The following CACNA2D1 variants were observed in gnomAD, a reference collection of about 807,000 sequenced individuals.
CACNA2D1 encodes voltage-dependent calcium channel subunit alpha-2/delta-1.
In CACNA2D1, 53 loss-of-function variants were observed where a neutral mutation model predicts 171.5. The ratio of observed to expected loss-of-function variants is 0.31; its 90% confidence interval spans 0.25 to 0.39. The LOEUF (loss-of-function observed/expected upper bound fraction) is 0.39, where lower values mean the gene tolerates loss of function less well. Among genes scored for constraint, CACNA2D1 ranks in the 10% least tolerant of loss-of-function variants. The pLI is 1.00. For synonymous variants in CACNA2D1, 442 were observed against 443.1 expected (o/e 1.00, Z 0.03); for missense variants, 903 against 1,299.8 (o/e 0.69, Z 4.69).
intron 19 of CACNA2D1, 93 bp downstream of exon 19, chr7:81,997,086 T>C (rs976668836): frequency 3.8e-6 from 3 of 799,830 alleles, no homozygotes; most frequent in Non-Finnish European, 6.8e-6. Context: ...ACAGACAAGC[T>C]AACACATTGT....
At chr7:82,024,337 G>A (rs556089897) in intron 12 of CACNA2D1, among the ~76,000 whole-genome samples, 91 of 151,738 alleles carry the variant, frequency 6.0e-4, no homozygotes, top group African/African-American at 2.1e-3. Flanking sequence ...TTTGATGACA[G>A]CAATCCTGAC....
At chr7:82,068,217 C>T (rs1807893413) in intron 7 of CACNA2D1, among the ~76,000 whole-genome samples, 1 of 152,108 alleles carries the variant, frequency 6.6e-6, no homozygotes, top group Non-Finnish European at 1.5e-5. Context: ...TCACCAGGCT[C>T]AGGCTCTAAT....
At position 82,066,396 on chromosome 7, in the gene CACNA2D1, T is replaced by C. The variant is rs138927518; in HGVS notation, c.728+59A>G. On this transcript the variant is annotated intron_variant, in intron 8 of 38. Transcript: ENST00000356860. ...CTAATAATAAAAAATTCTGACTTTTTAGCAAATATATATCTTCTTGCCTAT... is the reference window on the plus strand; with the variant it reads ...CTAATAATAAAAAATTCTGACTTTTCAGCAAATATATATCTTCTTGCCTAT... 8.0e-4 allele frequency: 1,274 copies of C among 1,595,264 alleles called. 8 individuals are homozygous for C. The African/African-American group carries it at 0.015, about 19-fold the overall frequency.
At chr7:82,060,055 G>T (rs1419438014) in intron 10 of CACNA2D1, among the ~76,000 whole-genome samples, 1 of 103,022 alleles carries the variant, frequency 9.7e-6, no homozygotes, top group African/African-American at 3.6e-5. Flanking sequence ...TAAATGACGA[G>T]TTAATAGGTG....
chr7:82,404,018 T>C (rs2129452444), intron 1 of CACNA2D1, among the ~76,000 whole-genome samples: 1 of 152,326 alleles, frequency 6.6e-6, no homozygotes, highest in South Asian at 2.1e-4. Flanking sequence ...ATAGTTTTCA[T>C]AAATGTGAAC....
intron 37 of CACNA2D1, 147 bp from the exon 38 acceptor site, chr7:81,959,504 T>A: frequency 1.3e-6 from 1 of 784,046 alleles, no homozygotes; most frequent in Admixed American, 2.0e-5. Flanking sequence ...CATAGGGATT[T>A]AAAGAACTAA....
chr7:82,103,950 A>G (rs895541022), intron 6 of CACNA2D1, among the ~76,000 whole-genome samples: 1 of 152,008 alleles, frequency 6.6e-6, no homozygotes, highest in Non-Finnish European at 1.5e-5. Context: ...GGGAGGCTGC[A>G]TATTCATAAC....
chr7:82,387,981 G>A (rs942544131), intron 1 of CACNA2D1, among the ~76,000 whole-genome samples: 23 of 150,906 alleles, frequency 1.5e-4, no homozygotes, highest in African/African-American at 5.6e-4. Flanking sequence ...ACTTGGGGGC[G>A]CTGAGAAGGG....
chr7:82,063,827 T>C (rs1019636108), intron 9 of CACNA2D1, among the ~76,000 whole-genome samples: 6 of 152,032 alleles, frequency 3.9e-5, no homozygotes, highest in Admixed American at 1.3e-4. Flanking sequence ...GAATTATTTT[T>C]TGTATATCAC....
chr7:82,054,348 T>G (rs1013148191), intron 10 of CACNA2D1, among the ~76,000 whole-genome samples: 1 of 152,208 alleles, frequency 6.6e-6, no homozygotes, highest in Non-Finnish European at 1.5e-5. Context: ...CTGTTGCACA[T>G]GGTGGTCTGG....
chr7:82,009,353 C>G (rs966695692), intron 15 of CACNA2D1: 12 of 152,070 alleles, frequency 7.9e-5, no homozygotes, highest in African/African-American at 2.7e-4. Context: ...CAGTGATAGA[C>G]ACATGTTGGC....
chr7:82,191,679 A>G (rs1421380716), intron 3 of CACNA2D1, among the ~76,000 whole-genome samples: 3 of 151,872 alleles, frequency 2.0e-5, no homozygotes, highest in Admixed American at 2.0e-4. Flanking sequence ...TCATAACATG[A>G]ATAAATAATT....
intron 1 of CACNA2D1, among the ~76,000 whole-genome samples, chr7:82,363,854 G>C (rs1338228056): frequency 6.6e-6 from 1 of 152,152 alleles, no homozygotes; most frequent in Non-Finnish European, 1.5e-5. Context: ...TCAGACTATA[G>C]ATCTAAGGAG....
intron 3 of CACNA2D1, among the ~76,000 whole-genome samples, chr7:82,268,901 C>T (rs376628813): frequency 3.0e-4 from 45 of 152,152 alleles, no homozygotes; most frequent in African/African-American, 1.0e-3. Context: ...GAGAGGCTGG[C>T]AACAGGAAAT....
intron 1 of CACNA2D1, among the ~76,000 whole-genome samples, chr7:82,391,158 A>G (rs1226354861): frequency 6.6e-6 from 1 of 152,172 alleles, no homozygotes; most frequent in Non-Finnish European, 1.5e-5. Context: ...AGCATCACTC[A>G]CAGTTCATGT....
At chr7:82,323,942 G>A (rs1201349367) in intron 3 of CACNA2D1, among the ~76,000 whole-genome samples, 2 of 152,018 alleles carry the variant, frequency 1.3e-5, no homozygotes, top group Non-Finnish European at 2.9e-5. Flanking sequence ...TATCTTAAAG[G>A]TATATTTGAT....
At chr7:82,094,202 A>G (rs946182305) in intron 6 of CACNA2D1, among the ~76,000 whole-genome samples, 3 of 151,378 alleles carry the variant, frequency 2.0e-5, no homozygotes, top group African/African-American at 7.3e-5. Flanking sequence ...AAGAACAGTG[A>G]CCCGTTGGTT....
intron 3 of CACNA2D1, among the ~76,000 whole-genome samples, chr7:82,233,193 T>C (rs953552325): frequency 6.6e-6 from 1 of 152,218 alleles, no homozygotes; most frequent in South Asian, 2.1e-4. Context: ...TAGTGATGGC[T>C]ACATAAAACT....
chr7:82,204,840 G>T (rs989713660), intron 3 of CACNA2D1, among the ~76,000 whole-genome samples: 1 of 152,146 alleles, frequency 6.6e-6, no homozygotes, highest in African/African-American at 2.4e-5. Flanking sequence ...AAGGAAAATG[G>T]ATATGCTGTG....
Sources: allele counts gnomAD v4.1 joint callset (sites outside exome capture counted in the v4.1 genomes callset), GRCh38; gene constraint gnomAD v4.1.1; transcripts MANE v1.5; gene names NCBI Gene and HGNC (gene_info 2026-07-23, HGNC 2026-07-21).